CNTN4: variants seen among roughly 807,000 people sequenced by gnomAD.
CNTN4 encodes the protein contactin-4.
In CNTN4, 77 loss-of-function variants were observed where a neutral mutation model predicts 122.5. The observed-to-expected ratio is 0.63, with a 90% CI of 0.52 to 0.76. CNTN4 has a LOEUF of 0.76. Among genes scored for constraint, CNTN4 ranks in the 30% least tolerant of loss-of-function variants. CNTN4 has a pLI of 0.00. For missense variants in CNTN4, 1,256 were observed against 1,259.1 expected (o/e 1.00, Z 0.04); for synonymous variants, 512 against 447.0 (o/e 1.15, Z -1.83).
At chr3:2,331,298 G>T (rs958055719) in intron 2 of CNTN4, among the ~76,000 whole-genome samples, 1 of 152,054 alleles carries the variant, frequency 6.6e-6, no homozygotes, top group African/African-American at 2.4e-5. Context: ...TAGTTTTTCA[G>T]GATACTGCAT....
chr3:2,341,156 A>C (rs990818731), intron 3 of CNTN4, among the ~76,000 whole-genome samples: 3 of 151,962 alleles, frequency 2.0e-5, no homozygotes, highest in African/African-American at 7.3e-5. Flanking sequence ...CCATCTTTTT[A>C]TTCCACTTGA....
intron 4 of CNTN4, among the ~76,000 whole-genome samples, chr3:2,638,996 C>A (rs2082784841): frequency 6.6e-6 from 1 of 152,166 alleles, no homozygotes; most frequent in South Asian, 2.1e-4. Flanking sequence ...ATTGGTCTGC[C>A]TTTTACTCCC....
Position 3,047,624 on chromosome 3 carries a change from A to G in CNTN4, c.2811+3920A>G, listed in dbSNP as rs1402866687. On this transcript the variant is annotated intron_variant, in intron 23 of 24. Transcript: ENST00000418658. Reference sequence around the variant, plus strand: ...ACCAGAATCTCTGGGACACATTCAAAGCAGTGTGTAGAGGGAAATTTATAG... The same window carrying G: ...ACCAGAATCTCTGGGACACATTCAAGGCAGTGTGTAGAGGGAAATTTATAG... Among the ~76,000 whole-genome samples, 3 of 147,984 alleles carry G rather than the reference A, an allele frequency of 2.0e-5. No individual in the cohort carries two copies. In the East Asian group the frequency reaches 5.8e-4, roughly 29 times the overall value.
At chr3:2,121,882 TAA>T in intron 2 of CNTN4, among the ~76,000 whole-genome samples, 1 of 152,248 alleles carries the variant, frequency 6.6e-6, no homozygotes, top group Non-Finnish European at 1.5e-5. Flanking sequence ...CTTTGTATTT[TAA>T]AATTATTTTT....
chr3:2,850,835 A>AT (rs1026429407), intron 7 of CNTN4, among the ~76,000 whole-genome samples: 8 of 151,690 alleles, frequency 5.3e-5, no homozygotes, highest in South Asian at 2.1e-4. Context: ...CCAGAGATGG[A>AT]TTTTTTTTTC....
chr3:2,625,682 C>T (rs937972063), intron 4 of CNTN4, among the ~76,000 whole-genome samples: 17 of 152,280 alleles, frequency 1.1e-4, no homozygotes, highest in Non-Finnish European at 1.6e-4. Context: ...CTTATTTTCA[C>T]TTTTCCATCA....
At chr3:2,749,905 T>C (rs908756867) in intron 6 of CNTN4, among the ~76,000 whole-genome samples, 10 of 152,226 alleles carry the variant, frequency 6.6e-5, no homozygotes, top group African/African-American at 2.4e-4. Context: ...GACAGTGACA[T>C]CTTTTGAATG....
chr3:2,700,970 A>G (rs2086325425), intron 4 of CNTN4, among the ~76,000 whole-genome samples: 1 of 152,126 alleles, frequency 6.6e-6, no homozygotes, highest in Non-Finnish European at 1.5e-5. Flanking sequence ...TAGCTTGTCC[A>G]AAGTGGTTGA....
rs62233858 is a variant in CNTN4, at chr3:2,527,436, T to C, written c.-88-43980T>C. Among the ~76,000 whole-genome samples the C allele has an allele frequency of 1.5e-3, 221 of 150,424 alleles. 1 individual carries two copies. The East Asian group carries it at 0.026, about 17-fold the overall frequency. On this transcript the variant is annotated intron_variant, in intron 3 of 24. Coordinates refer to ENST00000418658, the MANE Select transcript of CNTN4 (RefSeq NM_175607.3). ...GCTGCTGCTGCTGCTGCTGCTGCTGTTGCTGTTATTGTTGCTGCGGTTGTT... is the reference window on the plus strand; with the variant it reads ...GCTGCTGCTGCTGCTGCTGCTGCTGCTGCTGTTATTGTTGCTGCGGTTGTT...
rs1260322395 is a variant in CNTN4 at position 2,576,543 on chromosome 3, GTT to G, written c.55+4991_55+4992del. Among the ~76,000 whole-genome samples the G allele has an allele frequency of 2.1e-3, 274 of 127,814 alleles. 1 individual carries two copies. The highest frequency in any genetic ancestry group is 6.6e-3 in the African/African-American group (229 of 34,554). The allele number at this position is 127,814 out of a possible 152,430, so 83.9% of individuals were successfully genotyped here. A position where few individuals can be genotyped will look rare whatever the true frequency, so the allele number is the denominator to read the frequency against. ...CTTATTTTATTTTATTTTTGTTACTGTTTTTTTCTTTTTTTTTTTTTTGAGAT... is the reference window on the plus strand; with the variant it reads ...CTTATTTTATTTTATTTTTGTTACTGTTTTTCTTTTTTTTTTTTTTGAGAT... On this transcript the variant is annotated intron_variant, in intron 4 of 24. Transcript: ENST00000418658.
intron 6 of CNTN4, among the ~76,000 whole-genome samples, chr3:2,758,699 G>C (rs371877720): frequency 5.3e-5 from 8 of 152,030 alleles, no homozygotes; most frequent in African/African-American, 1.7e-4. Flanking sequence ...TAGAGACGGG[G>C]TTTCACCGTG....
chr3:2,348,060 C>A (rs886484733), intron 3 of CNTN4, among the ~76,000 whole-genome samples: 1 of 152,064 alleles, frequency 6.6e-6, no homozygotes, highest in Non-Finnish European at 1.5e-5. Flanking sequence ...ATAGTTTGAG[C>A]CCACCTTAGT....
intron 4 of CNTN4, among the ~76,000 whole-genome samples, chr3:2,704,683 G>T (rs1286818945): frequency 6.6e-6 from 1 of 152,100 alleles, no homozygotes; most frequent in African/African-American, 2.4e-5. Context: ...TATGGATTTA[G>T]ATATAGACCA....
At chr3:2,858,989 A>C (rs1371405036) in intron 7 of CNTN4, among the ~76,000 whole-genome samples, 1 of 152,224 alleles carries the variant, frequency 6.6e-6, no homozygotes, top group Admixed American at 6.5e-5. Flanking sequence ...CATGTTGTAC[A>C]ATAGCTCTCT....
At position 3,030,866 on chromosome 3, in the gene CNTN4, T is replaced by C; in HGVS notation, c.1674T>C (p.Ala558=). ...CCCTACTTTATCAGCAGGATTCAGCTGGTGATTTGATGATCCGAAACATCC... is the reference window on the plus strand; with the variant it reads ...CCCTACTTTATCAGCAGGATTCAGCCGGTGATTTGATGATCCGAAACATCC... ...HFERVGGQDS[A]GDLMIRNIQL... is the part of the protein sequence containing the mutation. Residue 558 remains alanine, a synonymous_variant, in exon 16 of 25, where the codon GCT becomes GCC. Transcript: ENST00000418658. 1.9e-6 allele frequency: 3 copies of C among 1,614,028 alleles called. No homozygotes were observed. Among genetic ancestry groups the C allele is most frequent in the Non-Finnish European group, 2.5e-6 (3 of 1,179,912 alleles).
chr3:2,689,798 G>A (rs1256626532), intron 4 of CNTN4, among the ~76,000 whole-genome samples: 1 of 152,056 alleles, frequency 6.6e-6, no homozygotes, highest in Non-Finnish European at 1.5e-5. Context: ...TACGAATCCA[G>A]GGCTTCTGTA....
chr3:2,820,858 T>C (rs1272359232), intron 7 of CNTN4, among the ~76,000 whole-genome samples: 1 of 151,538 alleles, frequency 6.6e-6, no homozygotes, highest in Non-Finnish European at 1.5e-5. Flanking sequence ...TGGAGACTCA[T>C]AGCAACTAGA....
intron 2 of CNTN4, among the ~76,000 whole-genome samples, chr3:2,147,513 C>T (rs1323619890): frequency 6.6e-6 from 1 of 152,070 alleles, no homozygotes; most frequent in Non-Finnish European, 1.5e-5. Context: ...TTTTTTATGA[C>T]CACCTATTGT....
intron 6 of CNTN4, among the ~76,000 whole-genome samples, chr3:2,763,753 G>T (rs1173150018): frequency 1.3e-5 from 2 of 152,120 alleles, no homozygotes; most frequent in Non-Finnish European, 1.5e-5. Flanking sequence ...TTTCCCCGTT[G>T]TTTGGTTTTG....
Sources: allele counts gnomAD v4.1 joint callset (sites outside exome capture counted in the v4.1 genomes callset), GRCh38; gene constraint gnomAD v4.1.1; transcripts MANE v1.5; gene names NCBI Gene and HGNC (gene_info 2026-07-23, HGNC 2026-07-21).